Variants in DNAJC1 observed in about 807,000 individuals in gnomAD.
DNAJC1 encodes the protein dnaJ homolog subfamily C member 1.
A neutral mutation model predicts 76.6 loss-of-function variants in DNAJC1; 58 were observed. The observed-to-expected ratio is 0.76, with a 90% CI of 0.61 to 0.94. The LOEUF (loss-of-function observed/expected upper bound fraction) is 0.94, where lower values mean the gene tolerates loss of function less well. Among genes scored for constraint, DNAJC1 ranks in the 40% least tolerant of loss-of-function variants. The pLI is 0.00. For missense variants in DNAJC1, 689 were observed against 677.3 expected (o/e 1.02, Z -0.19); for synonymous variants, 258 against 267.9 (o/e 0.96, Z 0.36).
intron 9 of DNAJC1, among the ~76,000 whole-genome samples, chr10:21,772,791 G>A (rs989056818): frequency 6.6e-6 from 1 of 152,010 alleles, no homozygotes. Context: ...GCCTGAGATT[G>A]GGTAATTTAT....
At chr10:21,788,931 G>A (rs889246408) in intron 9 of DNAJC1, among the ~76,000 whole-genome samples, 2 of 152,104 alleles carry the variant, frequency 1.3e-5, no homozygotes, top group Non-Finnish European at 2.9e-5. Context: ...CCAGCACTAA[G>A]AGCAACCTAC....
intron 9 of DNAJC1, chr10:21,803,976 T>G (rs1834850943): frequency 2.0e-6 from 2 of 984,844 alleles, no homozygotes; most frequent in Non-Finnish European, 2.4e-6. Flanking sequence ...CATTCTGCCT[T>G]GGGTAAGTCT....
At chr10:21,884,027 A>G (rs2131723899) in intron 7 of DNAJC1, among the ~76,000 whole-genome samples, 1 of 152,320 alleles carries the variant, frequency 6.6e-6, no homozygotes, top group East Asian at 1.9e-4. Context: ...CCAAAACAAT[A>G]AAAATTTTGC....
intron 1 of DNAJC1, among the ~76,000 whole-genome samples, chr10:21,993,178 A>G (rs1028240190): frequency 5.9e-5 from 9 of 152,090 alleles, no homozygotes; most frequent in Non-Finnish European, 8.8e-5. Flanking sequence ...CAGCCTATAC[A>G]CTCATAAATT....
intron 7 of DNAJC1, among the ~76,000 whole-genome samples, chr10:21,886,084 T>C (rs901335789): frequency 6.6e-6 from 1 of 151,874 alleles, no homozygotes; most frequent in East Asian, 1.9e-4. Flanking sequence ...ATAGGTAAGC[T>C]ACTAGCTAGG....
At chr10:21,868,077 A>AG (rs1247659567) in intron 8 of DNAJC1, among the ~76,000 whole-genome samples, 4 of 63,304 alleles carry the variant, frequency 6.3e-5, no homozygotes, top group Non-Finnish European at 1.3e-4. Context: ...TTCTGTCTCC[A>AG]AAAAAAAAAA....
At chr10:21,976,006 G>A (rs1838055641) in intron 1 of DNAJC1, among the ~76,000 whole-genome samples, 1 of 152,102 alleles carries the variant, frequency 6.6e-6, no homozygotes, top group South Asian at 2.1e-4. Context: ...AAATATAATA[G>A]GGAAATCTTA....
Position 21,862,521 on chromosome 10 carries a change from C to T in DNAJC1, c.978+19761G>A, listed in dbSNP as rs551651131. On this transcript the variant is annotated intron_variant, in intron 8 of 11. Transcript: ENST00000376980. ...TTGGCTGACTACAACCTCTGCCTCC[C>T]GAGTTCAAGCAATTCTCCTGCCTCA... Among the ~76,000 whole-genome samples, 25 of 151,274 alleles carry T rather than the reference C, an allele frequency of 1.7e-4. No individual in the cohort carries two copies. The South Asian group carries it at 2.1e-3, about 13-fold the overall frequency.
At chr10:21,911,969 C>T (rs1836871013) in intron 6 of DNAJC1, among the ~76,000 whole-genome samples, 2 of 152,116 alleles carry the variant, frequency 1.3e-5, no homozygotes, top group East Asian at 1.9e-4. Flanking sequence ...TATGAGTTTC[C>T]GGAGGTTAGG....
intron 11 of DNAJC1, among the ~76,000 whole-genome samples, chr10:21,757,727 C>A (rs546746357): frequency 3.3e-5 from 5 of 152,332 alleles, no homozygotes; most frequent in African/African-American, 1.2e-4. Context: ...GTGCTCGGAG[C>A]TCTGAGCTGA....
intron 9 of DNAJC1, among the ~76,000 whole-genome samples, chr10:21,789,004 TAA>T (rs570624077): frequency 9.9e-5 from 15 of 152,210 alleles, no homozygotes; most frequent in Admixed American, 6.5e-4. Flanking sequence ...ATAAGGTTCA[TAA>T]GACCCTGAGC....
At chr10:21,768,369 G>A (rs1168199116) in intron 9 of DNAJC1, among the ~76,000 whole-genome samples, 1 of 152,196 alleles carries the variant, frequency 6.6e-6, no homozygotes, top group Non-Finnish European at 1.5e-5. Flanking sequence ...AGAGCCGAGA[G>A]TCAGGCAGAT....
intron 9 of DNAJC1, among the ~76,000 whole-genome samples, chr10:21,769,182 A>G (rs1404125958): frequency 6.6e-6 from 1 of 152,140 alleles, no homozygotes; most frequent in African/African-American, 2.4e-5. Context: ...ATTCGATAAT[A>G]CTTTAGAAAA....
intron 1 of DNAJC1, among the ~76,000 whole-genome samples, chr10:21,972,426 G>A (rs975310467): frequency 1.3e-5 from 2 of 151,884 alleles, no homozygotes. Context: ...TTCTACTTGA[G>A]TATGTATTTA....
At chr10:21,919,787 T>C (rs1193023836) in intron 5 of DNAJC1, 45 bp downstream of exon 5, 4 of 1,383,190 alleles carry the variant, frequency 2.9e-6, no homozygotes, top group Non-Finnish European at 4.0e-6. Context: ...TAAAGATGTA[T>C]TTTAAAACAG....
rs1300237448 is a variant in DNAJC1, at chr10:21,908,111, A to AAT, written c.730-3501_730-3500dup. ...TATATAAAATATATATAATATATAA[A>AAT]ATATATATATAATATATAATATATA... is the stretch of plus-strand genomic sequence containing the variant. On this transcript the variant is annotated intron_variant, in intron 6 of 11. Transcript: ENST00000376980. Among the ~76,000 whole-genome samples the AAT allele has an allele frequency of 6.5e-3, 720 of 111,024 alleles. 16 individuals are homozygous for AAT. The highest frequency in any genetic ancestry group is 0.023 in the African/African-American group (640 of 27,338). 72.8% of individuals were successfully genotyped at this position (111,024 alleles called of 152,430 possible).
chr10:21,790,010 TAAA>T (rs35639440), intron 9 of DNAJC1, among the ~76,000 whole-genome samples: 8 of 41,090 alleles, frequency 1.9e-4, no homozygotes, highest in Admixed American at 8.2e-4. Flanking sequence ...GCTCTGTCTT[TAAA>T]AAAAAAAAAA....
At chr10:21,914,124 C>T (rs892531441) in intron 6 of DNAJC1, among the ~76,000 whole-genome samples, 12 of 152,284 alleles carry the variant, frequency 7.9e-5, no homozygotes, top group Admixed American at 2.6e-4. Context: ...ATGGGGCGTA[C>T]ATTTGACTAA....
At chr10:21,991,519 TG>T (rs1346586458) in intron 1 of DNAJC1, among the ~76,000 whole-genome samples, 2 of 152,098 alleles carry the variant, frequency 1.3e-5, no homozygotes, top group African/African-American at 4.8e-5. Flanking sequence ...CTAGCACAAT[TG>T]GAACAACCTA....
Sources: gnomAD v4.1 joint callset for allele counts (sites outside exome capture counted in the v4.1 genomes callset) on GRCh38, gnomAD v4.1.1 for gene constraint, MANE v1.5 for transcripts, NCBI Gene and HGNC (gene_info 2026-07-23, HGNC 2026-07-21) for gene names.